ASB3: variants seen among roughly 807,000 people sequenced by gnomAD.
The protein encoded by ASB3 is ankyrin repeat and SOCS box containing 3.
ASB3 carries 41 observed loss-of-function variants against 54.5 expected under a neutral mutation model. That is an observed-to-expected ratio of 0.75 (90% CI 0.59 to 0.98). The LOEUF (loss-of-function observed/expected upper bound fraction) is 0.98, where lower values mean the gene tolerates loss of function less well. ASB3 is among the 50% of genes least tolerant of loss of function. The pLI, the probability that ASB3 is intolerant of heterozygous loss-of-function variation, is 0.00. For synonymous variants in ASB3, 266 were observed against 221.2 expected, an observed-to-expected ratio of 1.20 and a Z score of -1.80; for missense variants, 733 against 620.0, an observed-to-expected ratio of 1.18 and a Z score of -1.94.
chr2:53,697,250 G>C (rs371544480), intron 8 of ASB3, among the ~76,000 whole-genome samples: 34 of 152,298 alleles, frequency 2.2e-4, no homozygotes, highest in African/African-American at 7.9e-4. Flanking sequence ...AGTATAAAAA[G>C]GGGGAAACCC....
chr2:53,688,187 G>C (rs1040639378), intron 9 of ASB3, among the ~76,000 whole-genome samples: 4 of 152,180 alleles, frequency 2.6e-5, no homozygotes, highest in African/African-American at 9.7e-5. Flanking sequence ...AGTTAACTTG[G>C]CTATAGGCTA....
intron 2 of ASB3, among the ~76,000 whole-genome samples, chr2:53,759,725 G>T (rs191364027): frequency 1.3e-5 from 2 of 152,258 alleles, no homozygotes; most frequent in East Asian, 3.9e-4. Context: ...AAGATTGTCC[G>T]AATAGAAATA....
At chr2:53,680,992 C>T (rs986302529) in intron 9 of ASB3, among the ~76,000 whole-genome samples, 12 of 152,008 alleles carry the variant, frequency 7.9e-5, no homozygotes, top group African/African-American at 2.9e-4. Flanking sequence ...GTTTGTCTTT[C>T]TGTGCCTAGC....
chr2:53,676,242 C>G (rs1409401345), intron 9 of ASB3, among the ~76,000 whole-genome samples: 3 of 152,146 alleles, frequency 2.0e-5, no homozygotes, highest in Non-Finnish European at 4.4e-5. Flanking sequence ...AGGAAAGTAT[C>G]CACAGTGATA....
At chr2:53,723,059 A>T (rs1241307096) in intron 5 of ASB3, among the ~76,000 whole-genome samples, 1 of 152,184 alleles carries the variant, frequency 6.6e-6, no homozygotes, top group Non-Finnish European at 1.5e-5. Context: ...TCAAGCTGAC[A>T]GCCAAATCAA....
At position 53,700,406 on chromosome 2, in the gene ASB3, C is replaced by A. The variant is rs1289183160; in HGVS notation, c.1103G>T (p.Gly368Val). ...ATGGTTCCATGGTCCCAATGAGCAA[C>A]CTTTCCTCAAAAAGTAGCGAAATAT... ...FSIFRYFLRKGCSLGPWNHIY... is the reference protein window; with the variant it reads ...FSIFRYFLRKVCSLGPWNHIY... The change falls in exon 8 of 10, where the codon GGT (glycine) becomes GTT (valine). Residue 368 changes from glycine to valine, a missense_variant. Transcript: ENST00000263634. The A allele has an allele frequency of 6.2e-7, 1 of 1,613,974 alleles. No individual in the cohort carries two copies. The highest frequency in any genetic ancestry group is 1.3e-5 in the African/African-American group (1 of 74,918).
chr2:53,746,485 C>CTT (rs371241627), intron 3 of ASB3, among the ~76,000 whole-genome samples: 32 of 139,062 alleles, frequency 2.3e-4, no homozygotes, highest in East Asian at 4.1e-4. Context: ...GGGGTTTTTT[C>CTT]TTTTTTTTTT....
intron 9 of ASB3, among the ~76,000 whole-genome samples, chr2:53,686,847 G>A (rs911780332): frequency 4.6e-5 from 7 of 152,124 alleles, no homozygotes; most frequent in East Asian, 3.9e-4. Context: ...TCAGCCTCCC[G>A]AGTAGCTGGG....
intron 4 of ASB3, 116 bp from the exon 5 acceptor site, chr2:53,728,963 G>GA: frequency 1.9e-5 from 23 of 1,229,814 alleles, no homozygotes; most frequent in Non-Finnish European, 2.4e-5. Context: ...TAACTTGAAG[G>GA]AAAAAACAAA....
intron 7 of ASB3, among the ~76,000 whole-genome samples, chr2:53,701,331 C>A (rs1016153829): frequency 5.9e-5 from 9 of 152,152 alleles, no homozygotes; most frequent in South Asian, 4.2e-4. Context: ...TACAATACTA[C>A]ATCTTAAAAT....
intron 1 of ASB3, chr2:53,768,153 A>G: frequency 9.7e-7 from 1 of 1,032,894 alleles, no homozygotes; most frequent in Non-Finnish European, 1.4e-6. Context: ...TTGGGGTAAC[A>G]TTTCTGTAGA....
intron 9 of ASB3, among the ~76,000 whole-genome samples, chr2:53,690,192 T>C (rs1668834444): frequency 6.6e-6 from 1 of 152,080 alleles, no homozygotes; most frequent in Non-Finnish European, 1.5e-5. Context: ...GCCATGATCA[T>C]GCCACTGCAC....
intron 3 of ASB3, among the ~76,000 whole-genome samples, chr2:53,750,225 G>C (rs1572964273): frequency 6.6e-6 from 1 of 151,742 alleles, no homozygotes; most frequent in African/African-American, 2.4e-5. Context: ...GAATCGAATA[G>C]AAAAAAGGAG....
intron 8 of ASB3, among the ~76,000 whole-genome samples, chr2:53,696,410 T>A (rs926272371): frequency 6.6e-6 from 1 of 151,892 alleles, no homozygotes; most frequent in East Asian, 1.9e-4. Flanking sequence ...AGTATCAGAA[T>A]TGGGAAAGGG....
chr2:53,709,206 G>T (rs1669955103), intron 7 of ASB3, among the ~76,000 whole-genome samples: 1 of 152,186 alleles, frequency 6.6e-6, no homozygotes, highest in African/African-American at 2.4e-5. Flanking sequence ...CACAGCCTTG[G>T]GACACTAGTC....
At chr2:53,679,101 C>T (rs530978811) in intron 9 of ASB3, among the ~76,000 whole-genome samples, 52 of 152,092 alleles carry the variant, frequency 3.4e-4, no homozygotes, top group Non-Finnish European at 6.3e-4. Context: ...TCCATGGGCC[C>T]ATCACTTCAA....
At chr2:53,763,994 C>A (rs1673296465) in intron 2 of ASB3, among the ~76,000 whole-genome samples, 1 of 152,204 alleles carries the variant, frequency 6.6e-6, no homozygotes, top group Admixed American at 6.5e-5. Context: ...GGAAGTTTAG[C>A]CTTACCATCT....
chr2:53,701,553 T>C (rs1199852621), intron 7 of ASB3, among the ~76,000 whole-genome samples: 2 of 152,190 alleles, frequency 1.3e-5, no homozygotes, highest in African/African-American at 4.8e-5. Flanking sequence ...CAGATCTATG[T>C]TTTCCAAAGT....
In ASB3 at chr2:53,670,440, G is replaced by A. The variant is rs957029883; in HGVS notation, c.*63C>T. 5.2e-6 allele frequency: 8 copies of A among 1,540,684 alleles called. No homozygotes were observed. Among genetic ancestry groups the A allele is most frequent in the South Asian group, 4.9e-5 (4 of 81,772 alleles). ...AAAATCATAAAAACTTGTACTCTGT[G>A]GCTCTTTTGTCTCGATGATTTTTCA... On this transcript the variant is annotated 3_prime_UTR_variant, in exon 10 of 10. Transcript: ENST00000263634.
Sources: allele counts gnomAD v4.1 joint callset (sites outside exome capture counted in the v4.1 genomes callset), GRCh38; gene constraint gnomAD v4.1.1; transcripts MANE v1.5; gene names NCBI Gene and HGNC (gene_info 2026-07-23, HGNC 2026-07-21).